Variants in EPHA6 observed in about 807,000 individuals in gnomAD.
EPHA6 encodes EPH receptor A6, also known as ephrin type-A receptor 6.
Under a neutral mutation model 112.0 loss-of-function variants are expected in EPHA6, and 50 were observed. That is an observed-to-expected ratio of 0.45 (90% confidence interval 0.36 to 0.56). The LOEUF (loss-of-function observed/expected upper bound fraction) is 0.56, where lower values mean the gene tolerates loss of function less well. Ranked by LOEUF, EPHA6 falls within the 20% of genes least tolerant of loss-of-function variation. The pLI, the probability that EPHA6 is intolerant of heterozygous loss-of-function variation, is 0.00. For missense variants in EPHA6, 1,280 were observed against 1,417.4 expected (o/e 0.90, Z 1.56); for synonymous variants, 529 against 490.7 (o/e 1.08, Z -1.03).
chr3:96,872,707 C>G (rs2036701819), intron 2 of EPHA6, among the ~76,000 whole-genome samples: 1 of 151,940 alleles, frequency 6.6e-6, no homozygotes, highest in Admixed American at 6.6e-5. Flanking sequence ...TAATTCTTAT[C>G]CTTGCTCCTC....
At chr3:97,281,201 ATGTGTG>A (rs10547257) in intron 5 of EPHA6, among the ~76,000 whole-genome samples, 2,482 of 140,510 alleles carry the variant, frequency 0.018, 74 homozygotes, top group African/African-American at 0.062. Context: ...CAAAGAGTCT[ATGTGTG>A]TGTGTGTGTG....
At position 97,308,381 on chromosome 3, in the gene EPHA6, T is replaced by C. The variant is rs190743245; in HGVS notation, c.1606+64094T>C. 2.2e-3 allele frequency among the ~76,000 whole-genome samples: 334 copies of C among 151,852 alleles called. 3 individuals carry two copies. The highest frequency in any genetic ancestry group is 7.8e-3 in the African/African-American group (324 of 41,524). ...GTACTCAACATAGCAAGCAAGTTTC[T>C]CTGAAATTTTGCCTTTCTATCTCTG... On this transcript the variant is annotated intron_variant, in intron 5 of 17. Coordinates refer to ENST00000389672, the MANE Select transcript of EPHA6 (RefSeq NM_001080448.3).
chr3:97,711,737 C>T (rs1327053896), intron 14 of EPHA6, among the ~76,000 whole-genome samples: 1 of 152,156 alleles, frequency 6.6e-6, no homozygotes, highest in Non-Finnish European at 1.5e-5. Flanking sequence ...TCAAGGAAAG[C>T]TTCTGTACTT....
At chr3:97,490,892 A>G (rs2091821529) in intron 10 of EPHA6, among the ~76,000 whole-genome samples, 1 of 152,182 alleles carries the variant, frequency 6.6e-6, no homozygotes, top group Non-Finnish European at 1.5e-5. Context: ...GCAAGGATCC[A>G]CATCCAAACT....
In EPHA6 at chr3:96,953,554, C is replaced by G. The variant is rs959292201; in HGVS notation, c.451-33776C>G. ...AGAAGAAACTTGACTTTTCTCTTTC[C>G]AAGTCTTCTTTTTAAACAAAAGCCA... On this transcript the variant is annotated intron_variant, in intron 2 of 17. Coordinates refer to ENST00000389672, the MANE Select transcript of EPHA6 (RefSeq NM_001080448.3). 5.3e-5 allele frequency among the ~76,000 whole-genome samples: 8 copies of G among 152,148 alleles called. No homozygotes were observed. In the South Asian group the frequency reaches 6.2e-4, roughly 12 times the overall value.
intron 10 of EPHA6, among the ~76,000 whole-genome samples, chr3:97,527,178 G>T (rs889115619): frequency 6.6e-6 from 1 of 152,170 alleles, no homozygotes; most frequent in African/African-American, 2.4e-5. Flanking sequence ...CAGCCCTTTG[G>T]TGGATGCTTT....
At chr3:96,940,662 G>C (rs2040886998) in intron 2 of EPHA6, among the ~76,000 whole-genome samples, 1 of 152,124 alleles carries the variant, frequency 6.6e-6, no homozygotes, top group Admixed American at 6.6e-5. Context: ...TGGTTATTTT[G>C]TTCGTTAGTT....
intron 5 of EPHA6, among the ~76,000 whole-genome samples, chr3:97,344,737 A>G (rs1326205088): frequency 2.0e-5 from 3 of 152,184 alleles, no homozygotes; most frequent in Admixed American, 2.0e-4. Flanking sequence ...CATTTTAAAC[A>G]TTCTAGTAAG....
At chr3:96,936,798 C>G (rs569574133) in intron 2 of EPHA6, among the ~76,000 whole-genome samples, 10 of 152,124 alleles carry the variant, frequency 6.6e-5, no homozygotes, top group African/African-American at 2.2e-4. Flanking sequence ...TGTGATATTC[C>G]CCTTCCTGTG....
intron 5 of EPHA6, among the ~76,000 whole-genome samples, chr3:97,307,330 C>G (rs566450227): frequency 1.3e-5 from 2 of 151,744 alleles, no homozygotes; most frequent in East Asian, 3.9e-4. Flanking sequence ...AAATTCTAAT[C>G]TCACCACTAG....
At chr3:96,972,851 G>C (rs919554600) in intron 2 of EPHA6, among the ~76,000 whole-genome samples, 1 of 152,060 alleles carries the variant, frequency 6.6e-6, no homozygotes, top group Non-Finnish European at 1.5e-5. Flanking sequence ...AATTGATTTT[G>C]GAAATAAAAG....
rs563411795 is a variant in EPHA6 at position 97,495,233 on chromosome 3, T to C, written c.2200+11174T>C. On this transcript the variant is annotated intron_variant, in intron 10 of 17. Coordinates refer to ENST00000389672, the MANE Select transcript of EPHA6 (RefSeq NM_001080448.3). ...ACTTTTGAGTGCAATATTATATTTTTATAGGTCTACACTATATATATATGT... is the reference window on the plus strand; with the variant it reads ...ACTTTTGAGTGCAATATTATATTTTCATAGGTCTACACTATATATATATGT... 1.2e-3 allele frequency among the ~76,000 whole-genome samples: 179 copies of C among 151,696 alleles called. 1 individual carries two copies. Among genetic ancestry groups the C allele is most frequent in the African/African-American group, 3.4e-3 (142 of 41,480 alleles).
chr3:97,164,256 C>T (rs1329357038), intron 3 of EPHA6, among the ~76,000 whole-genome samples: 4 of 152,150 alleles, frequency 2.6e-5, no homozygotes, highest in Non-Finnish European at 4.4e-5. Flanking sequence ...TAGGGACTAT[C>T]TATCACTGCT....
At chr3:97,628,968 T>C (rs1302759997) in intron 13 of EPHA6, among the ~76,000 whole-genome samples, 1 of 152,038 alleles carries the variant, frequency 6.6e-6, no homozygotes, top group African/African-American at 2.4e-5. Flanking sequence ...TTGGAGCCTT[T>C]ATTGCCCGGG....
intron 2 of EPHA6, among the ~76,000 whole-genome samples, chr3:96,981,970 G>A (rs530730479): frequency 1.3e-4 from 20 of 151,878 alleles, no homozygotes; most frequent in East Asian, 7.7e-4. Flanking sequence ...TCCTGCTAGC[G>A]GTCTATCAAT....
chr3:97,457,944 A>G (rs946673683), intron 7 of EPHA6, among the ~76,000 whole-genome samples: 2 of 151,658 alleles, frequency 1.3e-5, no homozygotes, highest in Non-Finnish European at 2.9e-5. Context: ...AGCGGGCGCC[A>G]GTAGTCCCAG....
chr3:97,203,794 A>G (rs1357209779), intron 3 of EPHA6, among the ~76,000 whole-genome samples: 1 of 152,148 alleles, frequency 6.6e-6, no homozygotes, highest in Non-Finnish European at 1.5e-5. Context: ...GTGGAAGAAG[A>G]TTGTCTCTAT....
At chr3:97,153,258 T>C (rs2076210181) in intron 3 of EPHA6, among the ~76,000 whole-genome samples, 1 of 151,876 alleles carries the variant, frequency 6.6e-6, no homozygotes, top group Non-Finnish European at 1.5e-5. Context: ...TATCACAATT[T>C]TTTTCAAAGT....
intron 5 of EPHA6, among the ~76,000 whole-genome samples, chr3:97,387,044 C>T (rs2086109190): frequency 6.6e-6 from 1 of 152,196 alleles, no homozygotes; most frequent in South Asian, 2.1e-4. Context: ...CTGCACAGAG[C>T]AGAGGGGCCC....
Sources: gnomAD v4.1 joint callset for allele counts (sites outside exome capture counted in the v4.1 genomes callset) on GRCh38, gnomAD v4.1.1 for gene constraint, MANE v1.5 for transcripts, NCBI Gene and HGNC (gene_info 2026-07-23, HGNC 2026-07-21) for gene names.